TRAPPC13: variants seen among roughly 807,000 people sequenced by gnomAD.
TRAPPC13 encodes the protein trafficking protein particle complex subunit 13, also known as REV7-interacting novel NHEJ regulator 1.
Under a neutral mutation model 54.0 loss-of-function variants are expected in TRAPPC13, and 39 were observed. The observed-to-expected ratio is 0.72, with a 90% CI of 0.56 to 0.94. The LOEUF (loss-of-function observed/expected upper bound fraction) is 0.94. Among genes scored for constraint, TRAPPC13 ranks in the 40% least tolerant of loss-of-function variants. The probability of loss-of-function intolerance (pLI) is 0.00; values close to 1 mark genes in which losing one functional copy is unlikely to be tolerated. For missense variants in TRAPPC13, 386 were observed against 488.1 expected (o/e 0.79, Z 1.97); for synonymous variants, 148 against 167.7 (o/e 0.88, Z 0.91).
At chr5:65,650,001 T>C (rs1343318521) in intron 5 of TRAPPC13, among the ~76,000 whole-genome samples, 1 of 147,048 alleles carries the variant, frequency 6.8e-6, no homozygotes, top group South Asian at 2.2e-4. Context: ...GGACTACAGG[T>C]GCCCGCCACC....
rs777169338 is a variant in TRAPPC13 at position 65,647,111 on chromosome 5, G to T, written c.357G>T (p.Val119=). The stretch of plus-strand genomic sequence containing the variant: ...ATCTTTCAGCCTCCAATGCTGCAGT[G>T]GCTGAACTTAAACCGGATTGTTGTA... ...RLNLSASNAA[V]AELKPDCCID... is the part of the protein sequence containing the mutation. The change falls in exon 5 of 13, where the codon GTG becomes GTT. Residue 119 remains valine (V), a synonymous_variant. Coordinates refer to ENST00000399438, the MANE Select transcript of TRAPPC13 (RefSeq NM_024941.4). 1.1e-5 allele frequency: 18 copies of T among 1,566,486 alleles called. No homozygotes were observed. The East Asian group carries it at 3.7e-4, about 32-fold the overall frequency.
rs746307546 is a variant in TRAPPC13, at chr5:65,647,113, C to T, written c.359C>T (p.Ala120Val). 6.4e-7 allele frequency: 1 copy of T among 1,567,618 alleles called. No homozygotes were observed. ...CTTTCAGCCTCCAATGCTGCAGTGG[C>T]TGAACTTAAACCGGATTGTTGTATT... ...LNLSASNAAV[A>V]ELKPDCCIDD... The change falls in exon 5 of 13, where the codon GCT becomes GTT. Residue 120 changes from alanine (A) to valine (V), a missense_variant. Ala to Val is a moderately conservative substitution (Grantham distance 64, BLOSUM62 0). Coordinates refer to ENST00000399438, the MANE Select transcript of TRAPPC13 (RefSeq NM_024941.4).
At chr5:65,656,377 TTA>T (rs1326371474) in intron 8 of TRAPPC13, among the ~76,000 whole-genome samples, 1 of 140,926 alleles carries the variant, frequency 7.1e-6, no homozygotes, top group Non-Finnish European at 1.6e-5. Context: ...GGGTCTGTGG[TTA>T]TTTTTTTAAA....
Position 65,664,735 on chromosome 5 carries a change from G to T in TRAPPC13, c.*124G>T. ...ACTTAAATTTTCTTTCCTGTAAAATGGTTAAAATATTAAATATTTGTTTTG... is the reference window on the plus strand; with the variant it reads ...ACTTAAATTTTCTTTCCTGTAAAATTGTTAAAATATTAAATATTTGTTTTG... On this transcript the variant is annotated 3_prime_UTR_variant, in exon 13 of 13. Transcript: ENST00000399438. 2 of 685,662 alleles carry T rather than the reference G, an allele frequency of 2.9e-6. No individual in the cohort carries two copies. The highest frequency in any genetic ancestry group is 2.5e-6 in the Non-Finnish European group (1 of 399,676). 42.5% of individuals were successfully genotyped at this position (685,662 alleles called of 1,614,324 possible). A position where few individuals can be genotyped will look rare whatever the true frequency, so the allele number is the denominator to read the frequency against.
chr5:65,652,377 T>A, intron 6 of TRAPPC13, 124 bp from the exon 7 acceptor site: 1 of 464,010 alleles, frequency 2.2e-6, no homozygotes, highest in Middle Eastern at 6.2e-4. Context: ...TGCATACCTA[T>A]TAGAAAAGTC....
chr5:65,661,082 A>G (rs1270859820), intron 10 of TRAPPC13, 185 bp downstream of exon 10: 2 of 482,490 alleles, frequency 4.1e-6, no homozygotes, highest in Non-Finnish European at 7.3e-6. Context: ...GCCATGAATG[A>G]AAAATGGTCA....
Position 65,664,601 on chromosome 5 carries a change from TG to T in TRAPPC13, c.1246del (p.Glu416LysfsTer9), listed in dbSNP as rs1328333270. The T allele has an allele frequency of 6.2e-7, 1 of 1,611,840 alleles. No individual in the cohort carries two copies. Among genetic ancestry groups the T allele is most frequent in the East Asian group, 2.2e-5 (1 of 44,844 alleles). On this transcript the variant is annotated frameshift_variant, in exon 13 of 13. Coordinates refer to ENST00000399438, the MANE Select transcript of TRAPPC13 (RefSeq NM_024941.4). LOFTEE classifies it high-confidence loss of function. ...QVCVVSSAIK[V>X]ES ...TGTGTGGTATCTTCTGCCATTAAAG[TG>T]GAAAGCTGAAGGAAACTTCCAATGT...
intron 5 of TRAPPC13, among the ~76,000 whole-genome samples, chr5:65,649,904 T>C (rs1756361690): frequency 6.7e-6 from 1 of 149,950 alleles, no homozygotes; most frequent in Non-Finnish European, 1.5e-5. Context: ...TCGCCCAGAC[T>C]GGAGTGCAGT....
rs1757010770 is a variant in TRAPPC13 at position 65,665,593 on chromosome 5, C to T, written c.*982C>T. On this transcript the variant is annotated 3_prime_UTR_variant, in exon 13 of 13. Coordinates refer to ENST00000399438, the MANE Select transcript of TRAPPC13 (RefSeq NM_024941.4). Reference sequence around the variant, plus strand: ...TTATTTTCTAATTATAAGCCAAAAACCCCTGGGTTTTTTTCTCATTGATTA... The same window carrying T: ...TTATTTTCTAATTATAAGCCAAAAATCCCTGGGTTTTTTTCTCATTGATTA... The T allele has an allele frequency of 6.6e-6, 1 of 151,828 alleles. No homozygotes were observed. The highest frequency in any genetic ancestry group is 6.6e-5 in the Admixed American group (1 of 15,246). The allele number at this position is 151,828 out of a possible 1,614,324, so 9.4% of individuals were successfully genotyped here.
chr5:65,643,427 A>G (rs997811309), intron 4 of TRAPPC13, among the ~76,000 whole-genome samples: 1 of 151,914 alleles, frequency 6.6e-6, no homozygotes, highest in East Asian at 1.9e-4. Context: ...TTTATTGTTA[A>G]CTTCATCCGT....
chr5:65,626,735 C>CA (rs1755252013), intron 1 of TRAPPC13, among the ~76,000 whole-genome samples: 1 of 152,070 alleles, frequency 6.6e-6, no homozygotes, highest in African/African-American at 2.4e-5. Flanking sequence ...GACTCCATCT[C>CA]AAAAAACAAA....
Position 65,664,707 on chromosome 5 carries a change from GTTAC to G in TRAPPC13, c.*100_*103del, listed in dbSNP as rs762415888. The G allele has an allele frequency of 3.9e-5, 33 of 843,530 alleles. No homozygotes were observed. The highest frequency in any genetic ancestry group is 5.6e-5 in the Non-Finnish European group (30 of 531,466). 52.3% of individuals were successfully genotyped at this position (843,530 alleles called of 1,614,324 possible). A position where few individuals can be genotyped will look rare whatever the true frequency, so the allele number is the denominator to read the frequency against. On this transcript the variant is annotated 3_prime_UTR_variant, in exon 13 of 13. Transcript: ENST00000399438. The stretch of plus-strand genomic sequence containing the variant: ...ATGACGTCAACAACGAAGTAAATAT[GTTAC>G]TTAAATTTTCTTTCCTGTAAAATGG...
chr5:65,660,781 T>A lies in TRAPPC13; in HGVS notation c.781T>A (p.Phe261Ile), dbSNP rs1464616526. ...ATACTGCCTAAAGCCAAAGAATGAA[T>A]TTGCAGAAAAAGCAGGCATCATTAA... The part of the protein sequence containing the change: ...YLYCLKPKNE[F>I]AEKAGIIKGV... Residue 261 changes from phenylalanine to isoleucine, a missense_variant, in exon 10 of 13, where the codon TTT becomes ATT. Coordinates refer to ENST00000399438, the MANE Select transcript of TRAPPC13 (RefSeq NM_024941.4). 6.2e-7 allele frequency: 1 copy of A among 1,613,694 alleles called. No homozygotes were observed. The highest frequency in any genetic ancestry group is 1.1e-5 in the South Asian group (1 of 91,058).
At chr5:65,643,459 T>A (rs1024983) in intron 4 of TRAPPC13, among the ~76,000 whole-genome samples, 2,227 of 152,222 alleles carry the variant, frequency 0.015, 46 homozygotes, top group African/African-American at 0.051. Context: ...AGTGGCATGT[T>A]TGTCTCATAT....
intron 7 of TRAPPC13, 97 bp from the exon 8 acceptor site, chr5:65,655,539 A>T (rs190235032): frequency 6.1e-4 from 236 of 383,860 alleles, no homozygotes; most frequent in African/African-American, 4.7e-3. Flanking sequence ...TTAGTAATTT[A>T]AAAAAATGCA....
rs2150696884 is a variant in TRAPPC13 at position 65,664,714 on chromosome 5, A to C, written c.*103A>C. 1.3e-6 allele frequency: 1 copy of C among 795,442 alleles called. No individual in the cohort carries two copies. Among genetic ancestry groups the C allele is most frequent in the East Asian group, 2.7e-5 (1 of 37,168 alleles). The allele number at this position is 795,442 out of a possible 1,614,324, so 49.3% of individuals were successfully genotyped here. A position where few individuals can be genotyped will look rare whatever the true frequency, so the allele number is the denominator to read the frequency against. On this transcript the variant is annotated 3_prime_UTR_variant, in exon 13 of 13. Transcript: ENST00000399438. ...CAACAACGAAGTAAATATGTTACTT[A>C]AATTTTCTTTCCTGTAAAATGGTTA...
In TRAPPC13 at chr5:65,650,399, T is replaced by A. The variant is rs28715453; in HGVS notation, c.429-411T>A. 3.0e-3 allele frequency among the ~76,000 whole-genome samples: 450 copies of A among 152,158 alleles called. 5 individuals carry two copies. The highest frequency in any genetic ancestry group is 0.01 in the African/African-American group (434 of 41,512). ...CTGCTCTCGAACTCCTGACCTCAAG[T>A]GATCCGCCCGCCTTGACCTCCCAAA... On this transcript the variant is annotated intron_variant, in intron 5 of 12. Transcript: ENST00000399438.
chr5:65,654,333 G>C (rs552027597), intron 7 of TRAPPC13, among the ~76,000 whole-genome samples: 1 of 152,006 alleles, frequency 6.6e-6, no homozygotes, highest in East Asian at 1.9e-4. Context: ...CGACAATTTT[G>C]TTTGCTTCCT....
At chr5:65,635,150 A>T in intron 1 of TRAPPC13, 151 bp from the exon 2 acceptor site, 1 of 668,714 alleles carries the variant, frequency 1.5e-6, no homozygotes, top group Non-Finnish European at 2.2e-6. Flanking sequence ...GATGTGTGAT[A>T]ACCTTAGGAA....
Sources: allele counts gnomAD v4.1 joint callset (sites outside exome capture counted in the v4.1 genomes callset), GRCh38; gene constraint gnomAD v4.1.1; transcripts MANE v1.5; gene names NCBI Gene and HGNC (gene_info 2026-07-23, HGNC 2026-07-21).